The following MAGI2 variants were observed in gnomAD, a reference collection of about 807,000 sequenced individuals.
MAGI2 encodes membrane-associated guanylate kinase, WW and PDZ domain-containing protein 2.
MAGI2 carries 35 observed loss-of-function variants against 133.3 expected under a neutral mutation model. That is an observed-to-expected ratio of 0.26 (90% CI 0.20 to 0.35). The LOEUF (loss-of-function observed/expected upper bound fraction) is 0.35. Ranked by LOEUF, MAGI2 falls within the 10% of genes least tolerant of loss-of-function variation. The pLI is 1.00. For synonymous variants in MAGI2, 729 were observed against 710.6 expected, an observed-to-expected ratio of 1.03 and a Z score of -0.41; for missense variants, 1,636 against 1,863.4, an observed-to-expected ratio of 0.88 and a Z score of 2.25.
At chr7:78,965,806 ACT>A (rs945321948) in intron 2 of MAGI2, among the ~76,000 whole-genome samples, 57 of 152,034 alleles carry the variant, frequency 3.7e-4, no homozygotes, top group African/African-American at 1.3e-3. Context: ...TTTTAAAATA[ACT>A]CTTGTCTGAA....
intron 9 of MAGI2, among the ~76,000 whole-genome samples, chr7:78,258,281 T>C (rs983728860): frequency 1.3e-5 from 2 of 152,234 alleles, no homozygotes; most frequent in Admixed American, 1.3e-4. Context: ...CTGGGGATGC[T>C]TTGGGAATCG....
chr7:78,228,329 T>G (rs1789614810), intron 10 of MAGI2, among the ~76,000 whole-genome samples: 1 of 152,156 alleles, frequency 6.6e-6, no homozygotes, highest in African/African-American at 2.4e-5. Flanking sequence ...GGTTACGAGT[T>G]TATAGAAAAT....
chr7:79,292,978 A>G (rs1387224311), intron 1 of MAGI2, among the ~76,000 whole-genome samples: 2 of 151,984 alleles, frequency 1.3e-5, no homozygotes, highest in East Asian at 1.9e-4. Context: ...TTCATTTCCC[A>G]CTGCACTCCG....
chr7:78,055,126 A>G lies in MAGI2; in HGVS notation c.3706+23821T>C, dbSNP rs556869300. 2.6e-5 allele frequency among the ~76,000 whole-genome samples: 4 copies of G among 152,268 alleles called. No homozygotes were observed. In the South Asian group the frequency reaches 8.3e-4, roughly 32 times the overall value. On this transcript the variant is annotated intron_variant, in intron 21 of 21. Coordinates refer to ENST00000354212, the MANE Select transcript of MAGI2 (RefSeq NM_012301.4). ...TGATTTTGATTTGCATTTTCTATCC[A>G]GTGTTAAACATGAGGCTCTGGGCAC... is the stretch of plus-strand genomic sequence containing the variant.
rs191521723 is a variant in MAGI2 at position 78,652,764 on chromosome 7, A to G, written c.419-25525T>C. 2.9e-3 allele frequency among the ~76,000 whole-genome samples: 437 copies of G among 152,316 alleles called. 13 individuals carry two copies. The highest frequency in any genetic ancestry group is 3.5e-3 in the Non-Finnish European group (237 of 68,002). On this transcript the variant is annotated intron_variant, in intron 2 of 21. Coordinates refer to ENST00000354212, the MANE Select transcript of MAGI2 (RefSeq NM_012301.4). ...ATAAAACACCAAAAGCAATAGCAAC[A>G]AAAGTCAAAATTGACAAATGGGTTC...
At chr7:79,047,617 G>C (rs981798574) in intron 1 of MAGI2, among the ~76,000 whole-genome samples, 3 of 151,904 alleles carry the variant, frequency 2.0e-5, no homozygotes, top group Non-Finnish European at 4.4e-5. Context: ...GAGTTGATAA[G>C]CCTATTGAAA....
intron 16 of MAGI2, among the ~76,000 whole-genome samples, chr7:78,159,299 G>A (rs565310041): frequency 8.7e-4 from 133 of 152,148 alleles, no homozygotes; most frequent in Non-Finnish European, 1.6e-3. Flanking sequence ...TGTTTAAATG[G>A]CCTTCTGACT....
At chr7:78,435,702 T>C (rs943014911) in intron 6 of MAGI2, among the ~76,000 whole-genome samples, 9 of 152,084 alleles carry the variant, frequency 5.9e-5, no homozygotes, top group Non-Finnish European at 1.2e-4. Context: ...GTTTCAGCCA[T>C]AAATCTCCCA....
At chr7:78,190,414 A>T (rs922839321) in intron 12 of MAGI2, among the ~76,000 whole-genome samples, 2 of 152,234 alleles carry the variant, frequency 1.3e-5, no homozygotes, top group Non-Finnish European at 2.9e-5. Flanking sequence ...CTTTTCTTGA[A>T]CAGTAATGAT....
intron 18 of MAGI2, among the ~76,000 whole-genome samples, chr7:78,129,549 G>T (rs548959996): frequency 2.0e-5 from 3 of 152,272 alleles, no homozygotes; most frequent in African/African-American, 7.2e-5. Context: ...GATAAAACCA[G>T]ACTGCTAATG....
At chr7:79,424,120 C>G (rs564154725) in intron 1 of MAGI2, among the ~76,000 whole-genome samples, 67 of 152,158 alleles carry the variant, frequency 4.4e-4, no homozygotes, top group Admixed American at 8.5e-4. Flanking sequence ...ATTTTTCACA[C>G]AAATAATCTG....
chr7:78,410,304 G>GT (rs369361100), intron 6 of MAGI2, among the ~76,000 whole-genome samples: 69 of 152,160 alleles, frequency 4.5e-4, no homozygotes, highest in African/African-American at 1.6e-3. Flanking sequence ...CTATAGTAAA[G>GT]TTATGAATAT....
intron 6 of MAGI2, among the ~76,000 whole-genome samples, chr7:78,429,050 T>C (rs1253595708): frequency 1.3e-5 from 2 of 152,158 alleles, no homozygotes; most frequent in Non-Finnish European, 1.5e-5. Flanking sequence ...ATTATTATCA[T>C]AAGGTATCTA....
chr7:78,905,011 T>C (rs1584346792), intron 2 of MAGI2, among the ~76,000 whole-genome samples: 2 of 152,342 alleles, frequency 1.3e-5, no homozygotes, highest in Non-Finnish European at 2.9e-5. Flanking sequence ...TTCATTCCCA[T>C]AGGTAGGTAT....
At chr7:78,088,512 G>A (rs1816863070) in intron 20 of MAGI2, among the ~76,000 whole-genome samples, 1 of 152,178 alleles carries the variant, frequency 6.6e-6, no homozygotes, top group South Asian at 2.1e-4. Flanking sequence ...TTCGAAGAAT[G>A]GGCAGGGTTA....
chr7:79,266,313 AC>A (rs1460336928), intron 1 of MAGI2, among the ~76,000 whole-genome samples: 5 of 143,006 alleles, frequency 3.5e-5, no homozygotes, highest in African/African-American at 5.2e-5. Flanking sequence ...AACGGGTGTG[AC>A]TTTTTGCTCA....
At position 78,458,157 on chromosome 7, in the gene MAGI2, G is replaced by A. The variant is rs187315628; in HGVS notation, c.1045+31604C>T. Among the ~76,000 whole-genome samples the A allele has an allele frequency of 6.1e-4, 93 of 152,076 alleles. 3 individuals are homozygous for A. In the South Asian group the frequency reaches 0.012, roughly 19 times the overall value. ...CTAAAAATACAGTAATTAGCTGCGCGTGGTGGCACACCCCTGTAATCCCAG... is the reference window on the plus strand; with the variant it reads ...CTAAAAATACAGTAATTAGCTGCGCATGGTGGCACACCCCTGTAATCCCAG... On this transcript the variant is annotated intron_variant, in intron 6 of 21. Transcript: ENST00000354212.
intron 1 of MAGI2, among the ~76,000 whole-genome samples, chr7:79,020,409 G>A (rs961708768): frequency 2.0e-5 from 3 of 152,160 alleles, no homozygotes; most frequent in Non-Finnish European, 2.9e-5. Context: ...GCCCCACAAA[G>A]TGATACAATA....
intron 6 of MAGI2, among the ~76,000 whole-genome samples, chr7:78,452,419 G>A (rs947411214): frequency 1.3e-5 from 2 of 151,974 alleles, no homozygotes. Context: ...ATTATTAATA[G>A]CACTAAAATT....
Sources: allele counts gnomAD v4.1 joint callset (sites outside exome capture counted in the v4.1 genomes callset), GRCh38; gene constraint gnomAD v4.1.1; transcripts MANE v1.5; gene names NCBI Gene and HGNC (gene_info 2026-07-23, HGNC 2026-07-21).